KIAA1217: variants seen among roughly 807,000 people sequenced by gnomAD.
KIAA1217 encodes the protein sickle tail protein homolog.
KIAA1217 carries 88 observed loss-of-function variants against 163.9 expected under a neutral mutation model. That is an observed-to-expected ratio of 0.54 (90% CI 0.45 to 0.64). The LOEUF (loss-of-function observed/expected upper bound fraction) is 0.64, where lower values mean the gene tolerates loss of function less well. Ranked by LOEUF, KIAA1217 falls within the 30% of genes least tolerant of loss-of-function variation. The pLI is 0.00. For missense variants in KIAA1217, 2,372 were observed against 2,475.0 expected (o/e 0.96, Z 0.88); for synonymous variants, 903 against 923.1 (o/e 0.98, Z 0.39).
chr10:24,424,816 T>A (rs578225718), intron 3 of KIAA1217, among the ~76,000 whole-genome samples: 2 of 152,298 alleles, frequency 1.3e-5, no homozygotes, highest in South Asian at 4.1e-4. Flanking sequence ...TTGCCCAGGA[T>A]GATCTCGATC....
intron 2 of KIAA1217, among the ~76,000 whole-genome samples, chr10:24,377,895 A>G (rs928267616): frequency 1.3e-5 from 2 of 152,126 alleles, no homozygotes; most frequent in Non-Finnish European, 2.9e-5. Flanking sequence ...GTTATCCCAA[A>G]CTAGTGCAAG....
In KIAA1217 at chr10:24,032,597, C is replaced by T. The variant is rs192828126; in HGVS notation, c.-171+25223C>T. On this transcript the variant is annotated intron_variant, in intron 2 of 18. Transcript: ENST00000376462. ...GAACTATGTAAGTCTCATTAGAATC[C>T]TTTAAAGAGAGACAGGAGCCTCGCT... Among the ~76,000 whole-genome samples the T allele has an allele frequency of 2.1e-3, 313 of 152,216 alleles. 1 individual carries two copies. Among genetic ancestry groups the T allele is most frequent in the African/African-American group, 7.4e-3 (309 of 41,546 alleles).
intron 2 of KIAA1217, among the ~76,000 whole-genome samples, chr10:24,184,814 G>T (rs1349626356): frequency 1.3e-5 from 2 of 152,114 alleles, no homozygotes; most frequent in Non-Finnish European, 2.9e-5. Context: ...CCCCATAGGT[G>T]GTCATTCAAA....
chr10:23,920,079 C>T (rs1167583028), intron 1 of KIAA1217, among the ~76,000 whole-genome samples: 5 of 152,182 alleles, frequency 3.3e-5, no homozygotes, highest in Admixed American at 1.3e-4. Flanking sequence ...TGACCCTTTG[C>T]TCCACACCCA....
chr10:24,451,053 A>G (rs1242111561), intron 5 of KIAA1217, among the ~76,000 whole-genome samples: 2 of 152,232 alleles, frequency 1.3e-5, no homozygotes, highest in East Asian at 1.9e-4. Flanking sequence ...GGACCTGGTT[A>G]CAACTTACTC....
At chr10:23,909,465 C>T (rs1349460075) in intron 1 of KIAA1217, among the ~76,000 whole-genome samples, 1 of 151,990 alleles carries the variant, frequency 6.6e-6, no homozygotes, top group Non-Finnish European at 1.5e-5. Context: ...GCCTCAGCAT[C>T]ATGCAATATA....
chr10:24,402,859 G>A (rs1320738763), intron 3 of KIAA1217, among the ~76,000 whole-genome samples: 2 of 151,954 alleles, frequency 1.3e-5, no homozygotes, highest in Non-Finnish European at 2.9e-5. Context: ...GTCTGGGCAC[G>A]ATGGCTCATG....
intron 2 of KIAA1217, among the ~76,000 whole-genome samples, chr10:24,082,263 C>A (rs1045951011): frequency 2.6e-5 from 4 of 151,562 alleles, no homozygotes; most frequent in Admixed American, 1.3e-4. Flanking sequence ...TTTTATATTC[C>A]AGGGTACATG....
intron 2 of KIAA1217, among the ~76,000 whole-genome samples, chr10:24,182,438 TCA>T (rs3222547): frequency 1.0e-3 from 145 of 144,876 alleles, no homozygotes; most frequent in East Asian, 2.2e-3. Context: ...CAAGACTCCA[TCA>T]CACACACACA....
At chr10:24,125,887 T>A (rs995853254) in intron 2 of KIAA1217, among the ~76,000 whole-genome samples, 2 of 152,338 alleles carry the variant, frequency 1.3e-5, no homozygotes, top group African/African-American at 2.4e-5. Context: ...TGTCATTTAT[T>A]TTTGCTTTTG....
At chr10:23,755,121 C>T (rs1010457488) in intron 1 of KIAA1217, among the ~76,000 whole-genome samples, 11 of 152,138 alleles carry the variant, frequency 7.2e-5, no homozygotes, top group African/African-American at 2.4e-4. Context: ...GCACCCACGG[C>T]GGACGCTTCC....
At chr10:24,467,828 G>A (rs958420093) in intron 5 of KIAA1217, among the ~76,000 whole-genome samples, 1 of 151,702 alleles carries the variant, frequency 6.6e-6, no homozygotes, top group Non-Finnish European at 1.5e-5. Context: ...GTGTGTGTGT[G>A]TGTGTGTGTG....
intron 1 of KIAA1217, among the ~76,000 whole-genome samples, chr10:23,770,544 G>A (rs889577651): frequency 1.4e-4 from 22 of 152,180 alleles, no homozygotes; most frequent in African/African-American, 1.7e-4. Flanking sequence ...TTATCACAAC[G>A]TTGCTACATT....
intron 2 of KIAA1217, among the ~76,000 whole-genome samples, chr10:24,287,895 T>C (rs2078706706): frequency 6.6e-6 from 1 of 152,174 alleles, no homozygotes; most frequent in Admixed American, 6.5e-5. Context: ...CTTAATAACA[T>C]GAGGGTATTT....
intron 2 of KIAA1217, among the ~76,000 whole-genome samples, chr10:24,193,504 C>T (rs1038939920): frequency 2.0e-5 from 3 of 152,300 alleles, no homozygotes; most frequent in Non-Finnish European, 4.4e-5. Flanking sequence ...ATAAACACAG[C>T]GTTAGATGTT....
At chr10:24,086,246 T>G (rs1199475359) in intron 2 of KIAA1217, among the ~76,000 whole-genome samples, 1 of 152,218 alleles carries the variant, frequency 6.6e-6, no homozygotes, top group East Asian at 1.9e-4. Flanking sequence ...GGCTTTTATC[T>G]AGGGTCAGCT....
chr10:23,720,994 C>A (rs771763746), intron 1 of KIAA1217, among the ~76,000 whole-genome samples: 1 of 152,118 alleles, frequency 6.6e-6, no homozygotes, highest in African/African-American at 2.4e-5. Flanking sequence ...CCTTAAGGAT[C>A]TTTTTGGATT....
intron 1 of KIAA1217, among the ~76,000 whole-genome samples, chr10:23,802,576 G>A (rs1564434206): frequency 6.6e-6 from 1 of 152,192 alleles, no homozygotes; most frequent in African/African-American, 2.4e-5. Flanking sequence ...ACCTATCAGG[G>A]TTTTGATTTT....
At chr10:24,129,566 G>T (rs2063580817) in intron 2 of KIAA1217, among the ~76,000 whole-genome samples, 1 of 151,654 alleles carries the variant, frequency 6.6e-6, no homozygotes, top group Non-Finnish European at 1.5e-5. Flanking sequence ...TAATCAATAG[G>T]ACTCCTGCCA....
Sources: allele counts gnomAD v4.1 joint callset (sites outside exome capture counted in the v4.1 genomes callset), GRCh38; gene constraint gnomAD v4.1.1; transcripts MANE v1.5; gene names NCBI Gene and HGNC (gene_info 2026-07-23, HGNC 2026-07-21).